Variants in RNF121 observed in about 807,000 individuals in gnomAD.
The protein encoded by RNF121 is ring finger protein 121.
A neutral mutation model predicts 46.5 loss-of-function variants in RNF121; 21 were observed. The observed-to-expected ratio is 0.45, with a 90% CI of 0.32 to 0.65. The LOEUF is 0.65. RNF121 is among the 30% of genes least tolerant of loss of function. The pLI, the probability that RNF121 is intolerant of heterozygous loss-of-function variation, is 0.04. For synonymous variants in RNF121, 139 were observed against 144.7 expected, an observed-to-expected ratio of 0.96 and a Z score of 0.28; for missense variants, 346 against 416.0, an observed-to-expected ratio of 0.83 and a Z score of 1.46.
chr11:71,993,909 C>T (rs530383898), intron 6 of RNF121, among the ~76,000 whole-genome samples: 107 of 147,950 alleles, frequency 7.2e-4, no homozygotes, highest in African/African-American at 2.6e-3. Context: ...GGTGCGATCT[C>T]GGCTCACTGC....
intron 1 of RNF121, among the ~76,000 whole-genome samples, chr11:71,938,150 T>C (rs1285450776): frequency 1.3e-5 from 2 of 152,160 alleles, no homozygotes; most frequent in Admixed American, 6.6e-5. Flanking sequence ...CTCAACATTT[T>C]ACTCCCTGTT....
intron 1 of RNF121, among the ~76,000 whole-genome samples, chr11:71,941,909 T>G (rs1417491886): frequency 6.6e-6 from 1 of 151,548 alleles, no homozygotes; most frequent in African/African-American, 2.4e-5. Context: ...CATGTTGAAT[T>G]TTATTGAGCG....
rs766738124 is a variant in RNF121, at chr11:71,982,927, AG to A, written c.398+13del. 6.3e-7 allele frequency: 1 copy of A among 1,592,390 alleles called. No homozygotes were observed. Among genetic ancestry groups the A allele is most frequent in the South Asian group, 1.1e-5 (1 of 87,822 alleles). On this transcript the variant is annotated intron_variant, in intron 4 of 8. Transcript: ENST00000361756. ...CAGACAACCCCAAGGTGAGAGTTTA[AG>A]TAGTGGGAAGAGCCCAGGTTTTCCG...
intron 3 of RNF121, among the ~76,000 whole-genome samples, chr11:71,971,863 G>A (rs1010223423): frequency 4.6e-5 from 7 of 152,156 alleles, no homozygotes; most frequent in African/African-American, 1.7e-4. Flanking sequence ...TAGCAGCATG[G>A]CATTGCTGAG....
rs1954981574 is a variant in RNF121, at chr11:71,996,505, G to A, written c.*190G>A. Reference sequence around the variant, plus strand: ...CAGCCAGTGGGGCTGTCAGCAGTGGGGGGCTTTTTAAAAGAAAACTATTTT... The same window carrying A: ...CAGCCAGTGGGGCTGTCAGCAGTGGAGGGCTTTTTAAAAGAAAACTATTTT... On this transcript the variant is annotated 3_prime_UTR_variant, in exon 9 of 9. Coordinates refer to ENST00000361756, the MANE Select transcript of RNF121 (RefSeq NM_018320.5). 3.3e-5 allele frequency: 19 copies of A among 576,750 alleles called. No homozygotes were observed. The South Asian group carries it at 3.7e-4, about 11-fold the overall frequency. 35.7% of individuals were successfully genotyped at this position (576,750 alleles called of 1,614,324 possible).
intron 1 of RNF121, among the ~76,000 whole-genome samples, chr11:71,929,342 T>G: frequency 7.0e-6 from 1 of 142,374 alleles, no homozygotes; most frequent in South Asian, 2.2e-4. Flanking sequence ...GCCTCAAGGG[T>G]GAAGATGGAG....
Position 71,996,377 on chromosome 11 carries a change from C to G in RNF121, c.*62C>G. ...CCATGGACCTCAGGGCACTCTCCTC[C>G]CTGCCCACAAAGACCTCCTGGGTGG... On this transcript the variant is annotated 3_prime_UTR_variant, in exon 9 of 9. Coordinates refer to ENST00000361756, the MANE Select transcript of RNF121 (RefSeq NM_018320.5). The G allele has an allele frequency of 6.3e-7, 1 of 1,586,980 alleles. No individual in the cohort carries two copies. Among genetic ancestry groups the G allele is most frequent in the Non-Finnish European group, 8.6e-7 (1 of 1,164,174 alleles).
intron 3 of RNF121, among the ~76,000 whole-genome samples, chr11:71,970,686 T>C (rs937660521): frequency 1.3e-5 from 2 of 152,064 alleles, no homozygotes; most frequent in Non-Finnish European, 2.9e-5. Flanking sequence ...TAATAATAAC[T>C]TTAAAAAATT....
At position 71,996,199 on chromosome 11, in the gene RNF121, G is replaced by A; in HGVS notation, c.868G>A (p.Glu290Lys). ...DLKRMFSNPW[E>K]RPHVMYGQLL... ...TTTTCTTTAACACACTGACAGCTGGGAGAGGCCTCACGTCATGTATGGGCA... is the reference window on the plus strand; with the variant it reads ...TTTTCTTTAACACACTGACAGCTGGAAGAGGCCTCACGTCATGTATGGGCA... The change falls in exon 9 of 9, where the codon GAG (glutamate) becomes AAG (lysine). Residue 290 changes from glutamate to lysine, a missense_variant. Around this residue, in one of 2 missense-constraint regions of RNF121, gnomAD observed 286 missense variants for 383.8 expected, o/e 0.75. Coordinates refer to ENST00000361756, the MANE Select transcript of RNF121 (RefSeq NM_018320.5). The A allele has an allele frequency of 6.2e-7, 1 of 1,614,096 alleles. No homozygotes were observed. Among genetic ancestry groups the A allele is most frequent in the East Asian group, 2.2e-5 (1 of 44,884 alleles).
chr11:71,957,213 G>C lies in RNF121; in HGVS notation c.64-14G>C, dbSNP rs1195608504. The C allele has an allele frequency of 1.9e-6, 3 of 1,579,356 alleles. No homozygotes were observed. Among genetic ancestry groups the C allele is most frequent in the Non-Finnish European group, 1.7e-6 (2 of 1,148,238 alleles). On this transcript the variant is annotated splice_polypyrimidine_tract_variant and intron_variant, in intron 1 of 8. Coordinates refer to ENST00000361756, the MANE Select transcript of RNF121 (RefSeq NM_018320.5). ...AAGACAGTAACGGATTTTTCTGGTGGTGTCTTTCTACAGGTTGATATGTCA... is the reference window on the plus strand; with the variant it reads ...AAGACAGTAACGGATTTTTCTGGTGCTGTCTTTCTACAGGTTGATATGTCA...
chr11:71,984,592 CTATT>C (rs768716454), intron 4 of RNF121, among the ~76,000 whole-genome samples: 1 of 147,974 alleles, frequency 6.8e-6, no homozygotes, highest in Non-Finnish European at 1.5e-5. Flanking sequence ...TAACTACTAG[CTATT>C]TATTTATTTA....
At chr11:71,993,447 G>T (rs1246491757) in intron 6 of RNF121, among the ~76,000 whole-genome samples, 1 of 143,170 alleles carries the variant, frequency 7.0e-6, no homozygotes, top group Non-Finnish European at 1.5e-5. Flanking sequence ...GATATTTCAT[G>T]TAAATGGAAT....
In RNF121 at chr11:71,968,747, CT is replaced by C. The variant is rs1457984621; in HGVS notation, c.243+7859del. ...GGGCTGTGCTCAGTTATATTGTTTC[CT>C]TTGTGGAGAAACAACTTTGAAAAAC... is the stretch of plus-strand genomic sequence containing the variant. On this transcript the variant is annotated intron_variant, in intron 3 of 8. Coordinates refer to ENST00000361756, the MANE Select transcript of RNF121 (RefSeq NM_018320.5). Among the ~76,000 whole-genome samples the C allele has an allele frequency of 2.0e-5, 3 of 152,170 alleles. No individual in the cohort carries two copies. The East Asian group carries it at 5.8e-4, about 29-fold the overall frequency.
chr11:71,991,271 A>G (rs1318629254), intron 6 of RNF121, among the ~76,000 whole-genome samples: 1 of 152,104 alleles, frequency 6.6e-6, no homozygotes, highest in Non-Finnish European at 1.5e-5. Flanking sequence ...GATGTACCCT[A>G]TAATTTTTCT....
At chr11:71,939,731 A>G (rs1442559933) in intron 1 of RNF121, among the ~76,000 whole-genome samples, 1 of 152,228 alleles carries the variant, frequency 6.6e-6, no homozygotes, top group African/African-American at 2.4e-5. Flanking sequence ...TATAGTGTAC[A>G]CTATTGCTGG....
At chr11:71,978,011 A>G (rs1954565063) in intron 3 of RNF121, 1 of 288,456 alleles carries the variant, frequency 3.5e-6, no homozygotes, top group Admixed American at 4.9e-5. Context: ...AAGTTTAAAC[A>G]TATTTACCAA....
chr11:71,942,089 C>T (rs568055338), intron 1 of RNF121, among the ~76,000 whole-genome samples: 7 of 152,042 alleles, frequency 4.6e-5, no homozygotes, highest in African/African-American at 1.2e-4. Flanking sequence ...CCTGCCACCA[C>T]GCCCAGCTAT....
At chr11:71,951,119 G>A (rs1334724855) in intron 1 of RNF121, among the ~76,000 whole-genome samples, 3 of 151,798 alleles carry the variant, frequency 2.0e-5, no homozygotes, top group Non-Finnish European at 4.4e-5. Context: ...AACTACTCGG[G>A]ACGCTGAGGT....
At position 71,983,061 on chromosome 11, in the gene RNF121, T is replaced by TACC; in HGVS notation, c.398+146_398+147insACC. The stretch of plus-strand genomic sequence containing the variant: ...ATGGGGCCTCTCTAAAACAAGCTGA[T>TACC]TGGTAGAACCCCTCCCCTATTTATC... On this transcript the variant is annotated intron_variant, in intron 4 of 8. Transcript: ENST00000361756. The TACC allele has an allele frequency of 6.8e-6, 4 of 584,182 alleles. No individual in the cohort carries two copies. In the South Asian group the frequency reaches 2.0e-4, roughly 29 times the overall value. The allele number at this position is 584,182 out of a possible 1,614,324, so 36.2% of individuals were successfully genotyped here. A position where few individuals can be genotyped will look rare whatever the true frequency, so the allele number is the denominator to read the frequency against.
Sources: allele counts gnomAD v4.1 joint callset (sites outside exome capture counted in the v4.1 genomes callset), GRCh38; gene constraint gnomAD v4.1.1; regional missense constraint gnomAD v4.1.1; transcripts MANE v1.5; gene names NCBI Gene and HGNC (gene_info 2026-07-23, HGNC 2026-07-21).